The following CDH4 variants were observed in gnomAD, a reference collection of about 807,000 sequenced individuals.
CDH4 encodes cadherin-4.
A neutral mutation model predicts 86.0 loss-of-function variants in CDH4; 33 were observed. The ratio of observed to expected loss-of-function variants is 0.38; its 90% CI spans 0.29 to 0.51. The LOEUF is 0.51. Among genes scored for constraint, CDH4 ranks in the 20% least tolerant of loss-of-function variants. CDH4 has a pLI of 0.86. For missense variants in CDH4, 1,114 were observed against 1,307.4 expected (o/e 0.85, Z 2.28); for synonymous variants, 555 against 549.4 (o/e 1.01, Z -0.14).
At chr20:61,675,020 T>C (rs6089466) in intron 2 of CDH4, among the ~76,000 whole-genome samples, 93,654 of 152,190 alleles carry the variant, frequency 0.62, 29,139 homozygotes, top group African/African-American at 0.69. Context: ...TACTGCCTGA[T>C]CCATTACAGA....
intron 3 of CDH4, among the ~76,000 whole-genome samples, chr20:61,756,072 C>T (rs1248437480): frequency 1.3e-5 from 2 of 152,210 alleles, no homozygotes; most frequent in Non-Finnish European, 2.9e-5. Flanking sequence ...CACTGTGGGC[C>T]GAGCTCTCAT....
chr20:61,588,835 A>G (rs1409435329), intron 2 of CDH4, among the ~76,000 whole-genome samples: 1 of 152,146 alleles, frequency 6.6e-6, no homozygotes, highest in African/African-American at 2.4e-5. Flanking sequence ...CAACTGATGT[A>G]TTTCATGTCT....
At chr20:61,847,675 G>A (rs930097612) in intron 5 of CDH4, among the ~76,000 whole-genome samples, 1 of 152,204 alleles carries the variant, frequency 6.6e-6, no homozygotes, top group African/African-American at 2.4e-5. Context: ...TCACGGTTCT[G>A]CAGGCTGTAC....
chr20:61,265,981 G>C (rs2084156363), intron 2 of CDH4, among the ~76,000 whole-genome samples: 1 of 152,216 alleles, frequency 6.6e-6, no homozygotes, highest in Non-Finnish European at 1.5e-5. Context: ...TGCCTGGGAA[G>C]CCCATAGCAG....
intron 2 of CDH4, among the ~76,000 whole-genome samples, chr20:61,403,153 A>G (rs2085059219): frequency 6.6e-6 from 1 of 152,274 alleles, no homozygotes; most frequent in South Asian, 2.1e-4. Flanking sequence ...TCCAGCAGCC[A>G]CCTTGGACCA....
At chr20:61,698,499 G>A (rs934040100) in intron 2 of CDH4, among the ~76,000 whole-genome samples, 1 of 152,262 alleles carries the variant, frequency 6.6e-6, no homozygotes, top group African/African-American at 2.4e-5. Context: ...GTGACTGCAG[G>A]TGCCCGCAGA....
At chr20:61,742,831 C>T (rs1221122576) in intron 2 of CDH4, among the ~76,000 whole-genome samples, 4 of 152,156 alleles carry the variant, frequency 2.6e-5, no homozygotes, top group Non-Finnish European at 4.4e-5. Context: ...CTGGTGCCTA[C>T]TGGTTAATGT....
chr20:61,686,785 G>T (rs1031811605), intron 2 of CDH4, among the ~76,000 whole-genome samples: 1 of 152,210 alleles, frequency 6.6e-6, no homozygotes, highest in Admixed American at 6.5e-5. Flanking sequence ...GTGTGTGTGT[G>T]CATGTGTGCA....
Position 61,269,156 on chromosome 20 carries a change from G to T in CDH4, c.169+14219G>T, listed in dbSNP as rs531677440. On this transcript the variant is annotated intron_variant, in intron 2 of 15. Transcript: ENST00000614565. The surrounding 1 kb of genome is among the most constrained non-coding windows in gnomAD (Gnocchi z 5.3). ...CCATGCCGGGTGCTGCACCGTACCA[G>T]CTGGGTTCATCTGCATGACCACCCT... Among the ~76,000 whole-genome samples, 243 of 152,296 alleles carry T rather than the reference G, an allele frequency of 1.6e-3. 1 individual carries two copies. The highest frequency in any genetic ancestry group is 5.5e-3 in the African/African-American group (230 of 41,560).
At chr20:61,725,926 G>A (rs968124110) in intron 2 of CDH4, among the ~76,000 whole-genome samples, 6 of 152,206 alleles carry the variant, frequency 3.9e-5, no homozygotes, top group African/African-American at 9.7e-5. Flanking sequence ...TAGCCTGGCC[G>A]GTCCTGTGTC....
At chr20:61,318,934 C>T (rs536167438) in intron 2 of CDH4, among the ~76,000 whole-genome samples, 9 of 152,350 alleles carry the variant, frequency 5.9e-5, no homozygotes, top group South Asian at 2.1e-4. Context: ...CCTCCTTGCC[C>T]GCAATGATGC....
intron 2 of CDH4, among the ~76,000 whole-genome samples, chr20:61,585,131 G>T (rs2250167): frequency 0.77 from 117,312 of 152,218 alleles, 45,253 homozygotes; most frequent in Admixed American, 0.83. Flanking sequence ...TGACCAACAC[G>T]GTAAGTGGCA....
intron 8 of CDH4, among the ~76,000 whole-genome samples, chr20:61,904,114 G>C (rs1568878425): frequency 1.3e-5 from 2 of 152,366 alleles, no homozygotes; most frequent in South Asian, 4.1e-4. Flanking sequence ...AGTCCTGAGA[G>C]TATGGGCTGC....
At chr20:61,572,225 G>T (rs1168581487) in intron 2 of CDH4, among the ~76,000 whole-genome samples, 2 of 152,158 alleles carry the variant, frequency 1.3e-5, no homozygotes, top group Non-Finnish European at 1.5e-5. Flanking sequence ...CTTTAAAATG[G>T]ATTTTCCTGT....
rs989278454 is a variant in CDH4 at position 61,378,539 on chromosome 20, C to T, written c.169+123602C>T. Among the ~76,000 whole-genome samples, 3 of 152,202 alleles carry T rather than the reference C, an allele frequency of 2.0e-5. No individual in the cohort carries two copies. The East Asian group carries it at 5.8e-4, about 29-fold the overall frequency. On this transcript the variant is annotated intron_variant, in intron 2 of 15. Transcript: ENST00000614565. ...AGTCTCTGTCTCTGTCTTCCCGCGG[C>T]CTTCTCCTCTCATCTGTGTGTCCCT... is the stretch of plus-strand genomic sequence containing the variant.
intron 2 of CDH4, among the ~76,000 whole-genome samples, chr20:61,367,382 A>T (rs1383476007): frequency 6.6e-6 from 1 of 152,254 alleles, no homozygotes; most frequent in African/African-American, 2.4e-5. Context: ...CCTGCTAATT[A>T]TAAGTGAAGC....
At chr20:61,894,872 G>A (rs760212150) in intron 7 of CDH4, 38 bp from the exon 8 acceptor site, 6 of 1,589,380 alleles carry the variant, frequency 3.8e-6, no homozygotes, top group Non-Finnish European at 5.1e-6. Flanking sequence ...AACCCAAACT[G>A]ATTTTCTGTT....
intron 4 of CDH4, among the ~76,000 whole-genome samples, chr20:61,785,168 C>T (rs964497216): frequency 6.6e-6 from 1 of 152,174 alleles, no homozygotes; most frequent in East Asian, 1.9e-4. Flanking sequence ...TTCTCTGCCA[C>T]GATAGGACCC....
chr20:61,766,387 G>T (rs2088698831), intron 3 of CDH4, among the ~76,000 whole-genome samples: 1 of 151,922 alleles, frequency 6.6e-6, no homozygotes, highest in Admixed American at 6.6e-5. Context: ...CCAGCCTCCA[G>T]GCTGCAGGAG....
Sources: allele counts gnomAD v4.1 joint callset (sites outside exome capture counted in the v4.1 genomes callset), GRCh38; gene constraint gnomAD v4.1.1; non-coding constraint Gnocchi (gnomAD v3.1); transcripts MANE v1.5; gene names NCBI Gene and HGNC (gene_info 2026-07-23, HGNC 2026-07-21).